Variants in SLC14A2 observed in about 807,000 individuals in gnomAD.
The protein encoded by SLC14A2 is urea transporter 2.
In SLC14A2, 91 loss-of-function variants were observed where a neutral mutation model predicts 104.6. The observed-to-expected ratio is 0.87, with a 90% CI of 0.73 to 1.04. SLC14A2 has a LOEUF of 1.04. SLC14A2 is among the 50% of genes least tolerant of loss of function. The pLI is 0.00. For missense variants in SLC14A2, 1,189 were observed against 1,156.0 expected, an observed-to-expected ratio of 1.03 and a Z score of -0.41; for synonymous variants, 476 against 466.4, an observed-to-expected ratio of 1.02 and a Z score of -0.27.
chr18:45,657,158 C>T (rs1352935543), intron 10 of SLC14A2, among the ~76,000 whole-genome samples: 2 of 152,038 alleles, frequency 1.3e-5, no homozygotes, highest in Non-Finnish European at 2.9e-5. Flanking sequence ...CATTATATTC[C>T]AAAGCAGAGT....
At chr18:45,376,617 C>T (rs987096780) in intron 1 of SLC14A2, among the ~76,000 whole-genome samples, 7 of 152,038 alleles carry the variant, frequency 4.6e-5, no homozygotes, top group South Asian at 2.1e-4. Context: ...GATGCGACAA[C>T]GGATCAGAGA....
At chr18:45,278,495 C>T (rs1221968473) in intron 1 of SLC14A2, among the ~76,000 whole-genome samples, 1 of 152,158 alleles carries the variant, frequency 6.6e-6, no homozygotes. Context: ...CCTGGCTGAG[C>T]ACCTGAGTTG....
At chr18:45,192,376 G>A in the SLC14A2 span, among the ~76,000 whole-genome samples, 1 of 152,166 alleles carries the variant, frequency 6.6e-6, no homozygotes, top group Non-Finnish European at 1.5e-5. Context: ...AAGCTGCTGT[G>A]AGCATCCATG....
intron 1 of SLC14A2, among the ~76,000 whole-genome samples, chr18:45,216,177 ATCT>A (rs1365852498): frequency 1.3e-5 from 2 of 152,296 alleles, no homozygotes; most frequent in African/African-American, 2.4e-5. Context: ...GGCCAATTCA[ATCT>A]TCTTTATTTT....
At chr18:45,269,240 A>G (rs1041179261) in intron 1 of SLC14A2, among the ~76,000 whole-genome samples, 5 of 152,046 alleles carry the variant, frequency 3.3e-5, no homozygotes, top group African/African-American at 4.8e-5. Context: ...GATTCTTCTC[A>G]CGTGGTTGGT....
At chr18:45,196,270 A>T in the SLC14A2 span, among the ~76,000 whole-genome samples, 1 of 152,238 alleles carries the variant, frequency 6.6e-6, no homozygotes, top group Admixed American at 6.5e-5. Context: ...TAACAATATC[A>T]AGTGCACCAC....
chr18:45,433,251 T>A (rs998781215), intron 1 of SLC14A2, among the ~76,000 whole-genome samples: 20 of 152,236 alleles, frequency 1.3e-4, no homozygotes, highest in Non-Finnish European at 2.9e-5. Context: ...CCCCTCAACA[T>A]GCTGTTGTGA....
chr18:45,413,074 G>A (rs2086231836), intron 1 of SLC14A2, among the ~76,000 whole-genome samples: 1 of 152,144 alleles, frequency 6.6e-6, no homozygotes, highest in South Asian at 2.1e-4. Context: ...TCAATCATTA[G>A]GGAGAAGATA....
At chr18:45,276,384 A>G (rs1165463935) in intron 1 of SLC14A2, among the ~76,000 whole-genome samples, 1 of 152,222 alleles carries the variant, frequency 6.6e-6, no homozygotes, top group East Asian at 1.9e-4. Flanking sequence ...AGAGGCTTTG[A>G]AATCTAAGGA....
At chr18:45,589,238 A>C (rs1339540418) in intron 2 of SLC14A2, among the ~76,000 whole-genome samples, 1 of 150,908 alleles carries the variant, frequency 6.6e-6, no homozygotes, top group Admixed American at 6.6e-5. Context: ...TTTACTGCAC[A>C]GAACGATTAA....
intron 1 of SLC14A2, among the ~76,000 whole-genome samples, chr18:45,444,893 G>A (rs1333996407): frequency 6.6e-6 from 1 of 152,190 alleles, no homozygotes; most frequent in Non-Finnish European, 1.5e-5. Flanking sequence ...TCAGCTAATA[G>A]CCCATTGGTT....
intron 2 of SLC14A2, among the ~76,000 whole-genome samples, chr18:45,609,413 C>T (rs757848340): frequency 2.6e-5 from 4 of 152,162 alleles, no homozygotes; most frequent in Non-Finnish European, 5.9e-5. Context: ...CTTTCCACTC[C>T]AGGTGAGGCT....
the SLC14A2 span, among the ~76,000 whole-genome samples, chr18:45,173,409 A>G: frequency 1.3e-5 from 2 of 152,068 alleles, no homozygotes; most frequent in Non-Finnish European, 2.9e-5. Flanking sequence ...TCCTTTCATC[A>G]TCATGCAAGT....
chr18:45,486,944 T>C (rs939725948), intron 2 of SLC14A2, among the ~76,000 whole-genome samples: 2 of 152,224 alleles, frequency 1.3e-5, no homozygotes, highest in African/African-American at 4.8e-5. Flanking sequence ...GTGAAGGGCA[T>C]GTCCAAGATC....
At chr18:45,174,355 C>T in the SLC14A2 span, among the ~76,000 whole-genome samples, 229 of 152,222 alleles carry the variant, frequency 1.5e-3, no homozygotes, top group Admixed American at 2.3e-3. Flanking sequence ...AATTCCTCCT[C>T]GACAATTTCC....
chr18:45,290,130 C>T (rs903925996), intron 1 of SLC14A2, among the ~76,000 whole-genome samples: 13 of 151,868 alleles, frequency 8.6e-5, no homozygotes, highest in Non-Finnish European at 1.3e-4. Context: ...TTTTAGATTT[C>T]GGGGGCATAT....
intron 2 of SLC14A2, among the ~76,000 whole-genome samples, chr18:45,533,988 AAAAC>A (rs531726098): frequency 2.0e-4 from 30 of 152,318 alleles, no homozygotes; most frequent in South Asian, 6.2e-4. Context: ...AGAAAGAAGA[AAAAC>A]AAACAAACAA....
At chr18:45,481,704 G>A (rs912907852) in intron 1 of SLC14A2, among the ~76,000 whole-genome samples, 9 of 152,190 alleles carry the variant, frequency 5.9e-5, no homozygotes, top group Admixed American at 5.2e-4. Context: ...TTTCAAACTA[G>A]CCTATTGTTA....
intron 1 of SLC14A2, among the ~76,000 whole-genome samples, chr18:45,297,149 A>G (rs1242476852): frequency 1.3e-5 from 2 of 152,236 alleles, no homozygotes; most frequent in Non-Finnish European, 2.9e-5. Flanking sequence ...TTAACAATCA[A>G]TATAAGAGAT....
Sources: allele counts gnomAD v4.1 joint callset (sites outside exome capture counted in the v4.1 genomes callset), GRCh38; gene constraint gnomAD v4.1.1; transcripts MANE v1.5; gene names NCBI Gene and HGNC (gene_info 2026-07-23, HGNC 2026-07-21).